Variants in PTPRG observed in about 807,000 individuals in gnomAD.
PTPRG encodes the protein protein tyrosine phosphatase receptor type G, also known as receptor-type tyrosine-protein phosphatase gamma.
PTPRG carries 102 observed loss-of-function variants against 165.3 expected under a neutral mutation model. The observed-to-expected ratio is 0.62, with a 90% CI of 0.53 to 0.73. The LOEUF is 0.73. Among genes scored for constraint, PTPRG ranks in the 30% least tolerant of loss-of-function variants. The pLI, the probability that PTPRG is intolerant of heterozygous loss-of-function variation, is 0.00. For synonymous variants in PTPRG, 675 were observed against 669.5 expected, an observed-to-expected ratio of 1.01 and a Z score of -0.13; for missense variants, 1,866 against 1,861.4, an observed-to-expected ratio of 1.00 and a Z score of -0.05.
chr3:61,983,682 T>C (rs139097735), intron 2 of PTPRG, among the ~76,000 whole-genome samples: 252 of 152,272 alleles, frequency 1.7e-3, no homozygotes, highest in African/African-American at 5.8e-3. Context: ...GTATGTGAAA[T>C]TCCTTGCTTT....
intron 1 of PTPRG, among the ~76,000 whole-genome samples, chr3:61,726,769 C>T (rs552142080): frequency 3.5e-4 from 53 of 152,174 alleles, no homozygotes; most frequent in African/African-American, 1.1e-3. Context: ...TTGAATTGGC[C>T]GGGTGCGGTG....
Position 62,293,344 on chromosome 3 carries a change from T to C in PTPRG, c.*37T>C. On this transcript the variant is annotated 3_prime_UTR_variant, in exon 30 of 30. Coordinates refer to ENST00000474889, the MANE Select transcript of PTPRG (RefSeq NM_002841.4). ...AAAGGGCACTTAATTTGTAAACTTC[T>C]GAAGACTGAGAACTTTTTTGAGGCC... 2 of 1,492,954 alleles carry C rather than the reference T, an allele frequency of 1.3e-6. No homozygotes were observed. The highest frequency in any genetic ancestry group is 1.8e-6 in the Non-Finnish European group (2 of 1,123,382). 92.5% of individuals were successfully genotyped at this position (1,492,954 alleles called of 1,614,324 possible).
rs555832122 is a variant in PTPRG, at chr3:62,246,179, C to A, written c.2467+2281C>A. Among the ~76,000 whole-genome samples the A allele has an allele frequency of 5.9e-5, 9 of 152,220 alleles. No individual in the cohort carries two copies. In the South Asian group the frequency reaches 1.7e-3, roughly 28 times the overall value. On this transcript the variant is annotated intron_variant, in intron 15 of 29. Transcript: ENST00000474889. ...GAGAAGCCCATGTATTCAATTGTAC[C>A]TCAGTTGGCAAGGTGAGGCATTCTT...
At chr3:61,978,350 A>G (rs2040557215) in intron 2 of PTPRG, among the ~76,000 whole-genome samples, 2 of 152,290 alleles carry the variant, frequency 1.3e-5, no homozygotes, top group Admixed American at 6.5e-5. Flanking sequence ...TAATATGTGG[A>G]AATGCTTTCC....
intron 17 of PTPRG, among the ~76,000 whole-genome samples, chr3:62,264,960 T>TA (rs34009731): frequency 0.012 from 1,693 of 142,996 alleles, 56 homozygotes; most frequent in East Asian, 0.08. Context: ...TCTTACTATT[T>TA]AAAAAAAAAA....
At chr3:62,053,309 C>T (rs1308792728) in intron 4 of PTPRG, among the ~76,000 whole-genome samples, 1 of 149,504 alleles carries the variant, frequency 6.7e-6, no homozygotes, top group African/African-American at 2.5e-5. Context: ...TTCTGTCTCC[C>T]AGGCTGGAGT....
intron 14 of PTPRG, among the ~76,000 whole-genome samples, chr3:62,238,356 T>C (rs772181525): frequency 1.3e-5 from 2 of 152,184 alleles, no homozygotes; most frequent in African/African-American, 4.8e-5. Context: ...GGGTGGGCTT[T>C]AGAAAGCCAT....
chr3:61,678,072 T>C (rs993690479), intron 1 of PTPRG, among the ~76,000 whole-genome samples: 1 of 152,172 alleles, frequency 6.6e-6, no homozygotes, highest in South Asian at 2.1e-4. Context: ...TTATCATCAT[T>C]AGACAAACAG....
At chr3:61,747,979 A>G (rs1318853544) in intron 1 of PTPRG, among the ~76,000 whole-genome samples, 1 of 152,202 alleles carries the variant, frequency 6.6e-6, no homozygotes, top group Non-Finnish European at 1.5e-5. Context: ...ATCCGCATCC[A>G]TGAGGTAGCT....
intron 2 of PTPRG, among the ~76,000 whole-genome samples, chr3:61,834,088 A>G (rs916974938): frequency 1.3e-5 from 2 of 152,158 alleles, no homozygotes; most frequent in African/African-American, 4.8e-5. Context: ...TTGCTTATAT[A>G]TTACTCTTTT....
At chr3:61,848,300 T>G (rs2036863736) in intron 2 of PTPRG, among the ~76,000 whole-genome samples, 1 of 152,202 alleles carries the variant, frequency 6.6e-6, no homozygotes. Flanking sequence ...GGGGCTGAAG[T>G]CACAGCCTTG....
At chr3:61,742,710 C>G in intron 1 of PTPRG, 45 of 1,607,770 alleles carry the variant, frequency 2.8e-5, no homozygotes, top group Non-Finnish European at 3.8e-5. Context: ...GGGAAGGGAA[C>G]TTTCCTGCCT....
At chr3:62,130,938 A>ATT (rs56082401) in intron 5 of PTPRG, among the ~76,000 whole-genome samples, 3 of 148,090 alleles carry the variant, frequency 2.0e-5, no homozygotes, top group South Asian at 2.2e-4. Flanking sequence ...CTATTCACTG[A>ATT]TTTTTTTTTT....
At chr3:62,285,803 AG>A (rs1702632807) in intron 28 of PTPRG, among the ~76,000 whole-genome samples, 1 of 152,174 alleles carries the variant, frequency 6.6e-6, no homozygotes, top group South Asian at 2.1e-4. Context: ...AGACAGCTGT[AG>A]ATCAGACCTC....
intron 2 of PTPRG, among the ~76,000 whole-genome samples, chr3:61,820,227 A>C (rs1381714151): frequency 6.6e-6 from 1 of 152,228 alleles, no homozygotes; most frequent in Non-Finnish European, 1.5e-5. Context: ...CTAGAGACCC[A>C]GGAGAGCCAA....
Position 62,214,007 on chromosome 3 carries a change from G to A in PTPRG, c.2156-4844G>A, listed in dbSNP as rs990945523. Reference sequence around the variant, plus strand: ...AGCCCAGAAGTTCGAGACCAGCCTGGGCAACATATCAAGAAAGTGTCTCTA... The same window carrying A: ...AGCCCAGAAGTTCGAGACCAGCCTGAGCAACATATCAAGAAAGTGTCTCTA... On this transcript the variant is annotated intron_variant, in intron 12 of 29. Transcript: ENST00000474889. The surrounding 1 kb of genome is among the most constrained non-coding windows in gnomAD (Gnocchi z 5.2). Among the ~76,000 whole-genome samples the A allele has an allele frequency of 6.6e-6, 1 of 151,964 alleles. No individual in the cohort carries two copies. The highest frequency in any genetic ancestry group is 2.4e-5 in the African/African-American group (1 of 41,356).
At chr3:62,171,084 G>A (rs916248839) in intron 8 of PTPRG, among the ~76,000 whole-genome samples, 9 of 152,192 alleles carry the variant, frequency 5.9e-5, no homozygotes, top group African/African-American at 2.2e-4. Context: ...CATCCTCTCT[G>A]TTGTGGCCTG....
intron 2 of PTPRG, among the ~76,000 whole-genome samples, chr3:61,761,835 A>G (rs548046381): frequency 2.6e-5 from 4 of 152,330 alleles, no homozygotes; most frequent in African/African-American, 9.6e-5. Context: ...TCCCAAAGGC[A>G]TCATTTAGTA....
chr3:62,248,380 C>A (rs1701338274), intron 15 of PTPRG, among the ~76,000 whole-genome samples: 1 of 152,130 alleles, frequency 6.6e-6, no homozygotes, highest in African/African-American at 2.4e-5. Flanking sequence ...TCCCTGGTTA[C>A]TGGTTTCCCA....
Sources: allele counts gnomAD v4.1 joint callset (sites outside exome capture counted in the v4.1 genomes callset), GRCh38; gene constraint gnomAD v4.1.1; non-coding constraint Gnocchi (gnomAD v3.1); transcripts MANE v1.5; gene names NCBI Gene and HGNC (gene_info 2026-07-23, HGNC 2026-07-21).